RNF38: variants seen among roughly 807,000 people sequenced by gnomAD.
The protein encoded by RNF38 is ring finger protein 38.
Under a neutral mutation model 67.2 loss-of-function variants are expected in RNF38, and 15 were observed. The ratio of observed to expected loss-of-function variants is 0.22; its 90% confidence interval spans 0.15 to 0.34. The LOEUF is 0.34. RNF38 is among the 10% of genes least tolerant of loss of function. The pLI is 1.00. For missense variants in RNF38, 524 were observed against 639.9 expected (o/e 0.82, Z 1.95); for synonymous variants, 220 against 218.8 (o/e 1.01, Z -0.05).
chr9:36,403,903 G>T (rs1838119051), upstream of RNF38, among the ~76,000 whole-genome samples: 1 of 151,930 alleles, frequency 6.6e-6, no homozygotes, highest in African/African-American at 2.4e-5. Context: ...CTCTTTATTG[G>T]ATTATTCCTA....
chr9:36,376,613 ATATT>A (rs925650587), intron 2 of RNF38, among the ~76,000 whole-genome samples: 2 of 152,064 alleles, frequency 1.3e-5, no homozygotes, highest in East Asian at 3.9e-4. Context: ...TTAGGCCACT[ATATT>A]TATTTTTTTT....
chr9:36,420,500 C>A (rs1402946290), intron 2 of RNF38, among the ~76,000 whole-genome samples: 1 of 126,774 alleles, frequency 7.9e-6, no homozygotes, highest in Non-Finnish European at 1.7e-5. Context: ...CCACTGCACT[C>A]CAGCCTGGGC....
At chr9:36,342,711 A>C (rs541976234) in intron 10 of RNF38, among the ~76,000 whole-genome samples, 1 of 152,210 alleles carries the variant, frequency 6.6e-6, no homozygotes, top group South Asian at 2.1e-4. Context: ...CCACATACAA[A>C]AGAATAAAGG....
At chr9:36,383,349 G>A (rs770660244) in intron 2 of RNF38, among the ~76,000 whole-genome samples, 7 of 152,162 alleles carry the variant, frequency 4.6e-5, no homozygotes, top group South Asian at 2.1e-4. Context: ...CTACAGGCGC[G>A]CACCAGCCAA....
At chr9:36,401,003 G>A (rs951886081), upstream of RNF38, 26 of 983,892 alleles carry the variant, frequency 2.6e-5, no homozygotes, top group Non-Finnish European at 3.0e-5. Context: ...GCGCGCGCAG[G>A]CGACTCCCCT....
chr9:36,437,098 G>A (rs374572149), intron 1 of RNF38, among the ~76,000 whole-genome samples: 2 of 152,204 alleles, frequency 1.3e-5, no homozygotes, highest in African/African-American at 4.8e-5. Context: ...GGGCTGCAGT[G>A]GCAGGCGGCC....
chr9:36,436,704 TC>T (rs755668927), intron 1 of RNF38, among the ~76,000 whole-genome samples: 40 of 150,708 alleles, frequency 2.7e-4, no homozygotes, highest in Non-Finnish European at 4.9e-4. Flanking sequence ...GCGCCTGTAG[TC>T]CCAGCTACTT....
intron 2 of RNF38, among the ~76,000 whole-genome samples, chr9:36,387,445 C>T (rs1283636755): frequency 6.6e-6 from 1 of 152,172 alleles, no homozygotes; most frequent in African/African-American, 2.4e-5. Context: ...TGAAAACTTA[C>T]TATCTTCAAT....
At chr9:36,424,940 T>C (rs991056463) in intron 1 of RNF38, among the ~76,000 whole-genome samples, 9 of 152,176 alleles carry the variant, frequency 5.9e-5, no homozygotes, top group Non-Finnish European at 1.5e-5. Flanking sequence ...TCCCCCTCTT[T>C]CTACTAGACC....
At chr9:36,386,355 A>C (rs1484371957) in intron 2 of RNF38, among the ~76,000 whole-genome samples, 1 of 152,212 alleles carries the variant, frequency 6.6e-6, no homozygotes, top group Non-Finnish European at 1.5e-5. Context: ...AATTCTGCTG[A>C]TATTTTGGCT....
chr9:36,436,907 G>A (rs773236822), intron 1 of RNF38, among the ~76,000 whole-genome samples: 1 of 152,034 alleles, frequency 6.6e-6, no homozygotes, highest in Non-Finnish European at 1.5e-5. Flanking sequence ...TGGCAACCAG[G>A]GTTGGTAATC....
At chr9:36,410,789 A>G (rs1431267365) in intron 2 of RNF38, among the ~76,000 whole-genome samples, 1 of 152,234 alleles carries the variant, frequency 6.6e-6, no homozygotes, top group African/African-American at 2.4e-5. Context: ...CCTATTAGTC[A>G]GCAGTGGACC....
At chr9:36,411,889 C>T (rs1191122756) in intron 2 of RNF38, among the ~76,000 whole-genome samples, 1 of 151,982 alleles carries the variant, frequency 6.6e-6, no homozygotes. Context: ...GTATTATTCG[C>T]CTTATAAAGA....
At chr9:36,439,819 A>G (rs1026943343) in intron 1 of RNF38, among the ~76,000 whole-genome samples, 1 of 151,770 alleles carries the variant, frequency 6.6e-6, no homozygotes, top group Non-Finnish European at 1.5e-5. Context: ...AAACTTATCA[A>G]TAGAAAATGC....
chr9:36,457,687 C>A (rs1431227774), intron 1 of RNF38, among the ~76,000 whole-genome samples: 1 of 152,110 alleles, frequency 6.6e-6, no homozygotes, highest in Admixed American at 6.5e-5. Flanking sequence ...GCAGGTGGAT[C>A]ACTTGAGGTC....
intron 1 of RNF38, among the ~76,000 whole-genome samples, chr9:36,433,201 T>C (rs1368258062): frequency 2.0e-5 from 3 of 151,330 alleles, no homozygotes; most frequent in Non-Finnish European, 4.4e-5. Context: ...GAGTAAGATC[T>C]AGTATCTGAC....
chr9:36,380,241 C>T (rs1819087913), intron 2 of RNF38, among the ~76,000 whole-genome samples: 1 of 152,164 alleles, frequency 6.6e-6, no homozygotes, highest in Non-Finnish European at 1.5e-5. Flanking sequence ...GCTTTTGTTG[C>T]CCAGGTAGAG....
chr9:36,366,572 C>T (rs1012394811), intron 4 of RNF38, among the ~76,000 whole-genome samples: 1 of 152,176 alleles, frequency 6.6e-6, no homozygotes, highest in Non-Finnish European at 1.5e-5. Context: ...GATTTTCTAT[C>T]AGTATAATCA....
chr9:36,483,035 T>G (rs1187964286), intron 1 of RNF38, among the ~76,000 whole-genome samples: 1 of 152,186 alleles, frequency 6.6e-6, no homozygotes, highest in South Asian at 2.1e-4. Flanking sequence ...ACTTGCCACC[T>G]GAAACAGGTA....
Sources: gnomAD v4.1 joint callset for allele counts (sites outside exome capture counted in the v4.1 genomes callset) on GRCh38, gnomAD v4.1.1 for gene constraint, MANE v1.5 for transcripts, NCBI Gene and HGNC (gene_info 2026-07-23, HGNC 2026-07-21) for gene names.